The following SCFD2 variants were observed in gnomAD, a reference collection of about 807,000 sequenced individuals.
SCFD2 encodes the protein sec1 family domain-containing protein 2.
In SCFD2, 54 loss-of-function variants were observed where a neutral mutation model predicts 58.9. The observed-to-expected ratio is 0.92, with a 90% CI of 0.74 to 1.15. SCFD2 has a LOEUF of 1.15. Ranked by LOEUF, SCFD2 falls within the 50% of genes most tolerant of loss-of-function variation. The pLI is 0.00. For missense variants in SCFD2, 805 were observed against 836.6 expected, an observed-to-expected ratio of 0.96 and a Z score of 0.47; for synonymous variants, 321 against 335.9, an observed-to-expected ratio of 0.96 and a Z score of 0.49.
intron 2 of SCFD2, among the ~76,000 whole-genome samples, chr4:53,337,139 A>G (rs960978608): frequency 1.1e-4 from 16 of 152,168 alleles, no homozygotes; most frequent in African/African-American, 3.4e-4. Context: ...GAAGTCCAAG[A>G]TCAAAGTTTT....
intron 1 of SCFD2, among the ~76,000 whole-genome samples, chr4:53,359,596 GAA>G (rs1734495582): frequency 6.6e-6 from 1 of 152,164 alleles, no homozygotes; most frequent in Non-Finnish European, 1.5e-5. Flanking sequence ...CTGATTTTTA[GAA>G]GTTGTTGGTA....
intron 5 of SCFD2, among the ~76,000 whole-genome samples, chr4:53,075,199 T>A (rs1219006641): frequency 3.9e-5 from 6 of 152,186 alleles, no homozygotes; most frequent in Non-Finnish European, 5.9e-5. Flanking sequence ...TGAAACAATT[T>A]CTGCTAATTT....
intron 3 of SCFD2, among the ~76,000 whole-genome samples, chr4:53,303,035 G>C (rs1732370828): frequency 6.6e-6 from 1 of 152,142 alleles, no homozygotes; most frequent in African/African-American, 2.4e-5. Flanking sequence ...CAGGACATAG[G>C]CATGGGCAAG....
At chr4:53,242,099 C>A (rs568558576) in intron 4 of SCFD2, among the ~76,000 whole-genome samples, 34 of 152,268 alleles carry the variant, frequency 2.2e-4, no homozygotes, top group Non-Finnish European at 4.6e-4. Context: ...CCAGCACCCA[C>A]TAGCATCCTG....
intron 5 of SCFD2, among the ~76,000 whole-genome samples, chr4:52,925,355 C>CATATATATAT (rs35698588): frequency 2.8e-5 from 4 of 142,924 alleles, no homozygotes; most frequent in African/African-American, 7.9e-5. Flanking sequence ...TATATATATA[C>CATATATATAT]ATATATATAT....
At chr4:53,087,852 G>T (rs1176527629) in intron 5 of SCFD2, among the ~76,000 whole-genome samples, 7 of 150,706 alleles carry the variant, frequency 4.6e-5, no homozygotes, top group African/African-American at 1.7e-4. Flanking sequence ...ATAGAGATGG[G>T]GTTTCACCAT....
intron 5 of SCFD2, among the ~76,000 whole-genome samples, chr4:52,946,186 C>G (rs942066214): frequency 3.3e-5 from 5 of 151,960 alleles, no homozygotes; most frequent in African/African-American, 1.2e-4. Flanking sequence ...TTTTTAATAC[C>G]ACAGTTAGTT....
chr4:53,235,714 T>C (rs1487034511), intron 4 of SCFD2, among the ~76,000 whole-genome samples: 2 of 152,222 alleles, frequency 1.3e-5, no homozygotes, highest in East Asian at 3.8e-4. Flanking sequence ...AGATCAAAGT[T>C]ACCTCAGCTC....
chr4:52,916,913 T>G (rs1454085086), intron 6 of SCFD2, among the ~76,000 whole-genome samples: 2 of 152,174 alleles, frequency 1.3e-5, no homozygotes, highest in Non-Finnish European at 2.9e-5. Flanking sequence ...TTGTTTTTTG[T>G]TTTTGAGAAG....
intron 5 of SCFD2, among the ~76,000 whole-genome samples, chr4:53,094,602 T>G (rs1203102666): frequency 2.6e-5 from 4 of 152,104 alleles, no homozygotes; most frequent in African/African-American, 9.7e-5. Flanking sequence ...GGATCACAAT[T>G]CAGCCCATAA....
rs563769314 is a variant in SCFD2 at position 53,257,496 on chromosome 4, C to T, written c.1311+16330G>A. ...TTCCAAATTTACCAATCAGATAGAA[C>T]ATCCCTCTCACTAAAAGAGAGTCAG... On this transcript the variant is annotated intron_variant, in intron 4 of 8. Transcript: ENST00000401642. Among the ~76,000 whole-genome samples the T allele has an allele frequency of 6.6e-5, 10 of 152,270 alleles. No homozygotes were observed. The South Asian group carries it at 2.1e-3, about 32-fold the overall frequency.
intron 5 of SCFD2, among the ~76,000 whole-genome samples, chr4:53,136,288 T>C (rs1320528376): frequency 3.3e-5 from 5 of 152,228 alleles, no homozygotes; most frequent in African/African-American, 7.2e-5. Flanking sequence ...CAGGCTATGA[T>C]TGGTGATTTG....
intron 3 of SCFD2, among the ~76,000 whole-genome samples, chr4:53,288,714 A>C (rs1731746966): frequency 6.6e-6 from 1 of 152,226 alleles, no homozygotes; most frequent in African/African-American, 2.4e-5. Context: ...AAGCTGAGGG[A>C]ATTCATCATT....
chr4:53,176,187 C>A (rs905999497), intron 4 of SCFD2, among the ~76,000 whole-genome samples: 1 of 152,190 alleles, frequency 6.6e-6, no homozygotes, highest in Admixed American at 6.5e-5. Context: ...AAACCAGATA[C>A]ATTATAGCCT....
At chr4:52,936,285 G>A (rs959805659) in intron 5 of SCFD2, among the ~76,000 whole-genome samples, 8 of 151,998 alleles carry the variant, frequency 5.3e-5, no homozygotes, top group South Asian at 2.1e-4. Flanking sequence ...AGCTCCACCC[G>A]CTTAAACTCA....
At chr4:53,223,017 G>A (rs1211995522) in intron 4 of SCFD2, among the ~76,000 whole-genome samples, 7 of 152,108 alleles carry the variant, frequency 4.6e-5, no homozygotes, top group South Asian at 4.2e-4. Context: ...ACACAAACAC[G>A]AGAGCCCTGG....
At chr4:53,319,551 T>A (rs76943927) in intron 2 of SCFD2, among the ~76,000 whole-genome samples, 2 of 149,978 alleles carry the variant, frequency 1.3e-5, no homozygotes, top group South Asian at 4.2e-4. Flanking sequence ...TTTTTTTTTT[T>A]AGAAGGAGTC....
intron 5 of SCFD2, among the ~76,000 whole-genome samples, chr4:52,970,236 AGT>A (rs1340034915): frequency 6.6e-6 from 1 of 152,228 alleles, no homozygotes; most frequent in Non-Finnish European, 1.5e-5. Context: ...TCACCCGGTA[AGT>A]GCAAGGGGTC....
At chr4:53,338,119 T>C (rs1733738953) in intron 2 of SCFD2, among the ~76,000 whole-genome samples, 1 of 152,236 alleles carries the variant, frequency 6.6e-6, no homozygotes, top group South Asian at 2.1e-4. Flanking sequence ...GCCTTGCTGA[T>C]ACTTTGATTT....
Sources: allele counts gnomAD v4.1 joint callset (sites outside exome capture counted in the v4.1 genomes callset), GRCh38; gene constraint gnomAD v4.1.1; transcripts MANE v1.5; gene names NCBI Gene and HGNC (gene_info 2026-07-23, HGNC 2026-07-21).